Variants in PARD3 observed in about 807,000 individuals in gnomAD.
The protein encoded by PARD3 is par-3 family cell polarity regulator.
In PARD3, 75 loss-of-function variants were observed where a neutral mutation model predicts 155.4. That is an observed-to-expected ratio of 0.48 (90% CI 0.40 to 0.58). PARD3 has a LOEUF of 0.58. Ranked by LOEUF, PARD3 falls within the 20% of genes least tolerant of loss-of-function variation. The probability of loss-of-function intolerance (pLI) is 0.00; values close to 1 mark genes in which losing one functional copy is unlikely to be tolerated. For synonymous variants in PARD3, 576 were observed against 610.5 expected, an observed-to-expected ratio of 0.94 and a Z score of 0.83; for missense variants, 1,642 against 1,721.7, an observed-to-expected ratio of 0.95 and a Z score of 0.82.
At chr10:34,725,797 C>A (rs1477719267) in intron 1 of PARD3, among the ~76,000 whole-genome samples, 1 of 152,216 alleles carries the variant, frequency 6.6e-6, no homozygotes, top group Admixed American at 6.5e-5. Context: ...AACACCAGGA[C>A]TGCAACTGAA....
intron 22 of PARD3, among the ~76,000 whole-genome samples, chr10:34,211,024 T>C (rs1289273560): frequency 2.6e-5 from 4 of 152,170 alleles, no homozygotes; most frequent in African/African-American, 9.7e-5. Context: ...GGTCTTTGCA[T>C]GTGTTATCTC....
At chr10:34,629,460 CACACACAT>C (rs927420978) in intron 2 of PARD3, among the ~76,000 whole-genome samples, 8 of 152,326 alleles carry the variant, frequency 5.3e-5, no homozygotes, top group Non-Finnish European at 7.3e-5. Context: ...TGTGCACACA[CACACACAT>C]ACACACGTTA....
intron 20 of PARD3, among the ~76,000 whole-genome samples, chr10:34,302,642 T>C (rs2134030406): frequency 6.6e-6 from 1 of 152,328 alleles, no homozygotes; most frequent in South Asian, 2.1e-4. Context: ...TAGCTATCTG[T>C]GCCCATACCT....
chr10:34,388,196 A>G (rs1764352949), intron 7 of PARD3, among the ~76,000 whole-genome samples: 1 of 152,226 alleles, frequency 6.6e-6, no homozygotes, highest in African/African-American at 2.4e-5. Flanking sequence ...AGGTGAAGTT[A>G]GTAGCCTGCT....
chr10:34,809,194 T>C (rs766176871), intron 1 of PARD3, among the ~76,000 whole-genome samples: 5 of 152,196 alleles, frequency 3.3e-5, no homozygotes, highest in African/African-American at 7.2e-5. Flanking sequence ...GTGCTGATGA[T>C]AGTCCTCTCA....
intron 2 of PARD3, among the ~76,000 whole-genome samples, chr10:34,635,767 G>A (rs1292457530): frequency 3.9e-5 from 6 of 152,204 alleles, no homozygotes; most frequent in Non-Finnish European, 7.3e-5. Context: ...CCAGAACTGA[G>A]CTGGACTTCT....
At chr10:34,263,620 C>CA (rs1182056878) in intron 22 of PARD3, among the ~76,000 whole-genome samples, 1 of 152,090 alleles carries the variant, frequency 6.6e-6, no homozygotes, top group Non-Finnish European at 1.5e-5. Flanking sequence ...AATCATACAC[C>CA]AGCCTAGGTG....
intron 21 of PARD3, among the ~76,000 whole-genome samples, chr10:34,282,617 T>G (rs1477695722): frequency 6.6e-6 from 1 of 152,162 alleles, no homozygotes; most frequent in African/African-American, 2.4e-5. Context: ...TGAAGCTATC[T>G]ATCCCCTGTG....
rs558311828 is a variant in PARD3, at chr10:34,150,342, G to T, written c.3420-18759C>A. Among the ~76,000 whole-genome samples the T allele has an allele frequency of 3.9e-5, 6 of 152,286 alleles. No homozygotes were observed. The South Asian group carries it at 1.2e-3, about 32-fold the overall frequency. On this transcript the variant is annotated intron_variant, in intron 22 of 24. Transcript: ENST00000374788. ...TGAAGATATAGCTTTGGCAGTCATC[G>T]ACATATACACAAGTGTAATGTAAGT...
chr10:34,553,134 T>A (rs1187523763), intron 2 of PARD3, among the ~76,000 whole-genome samples: 2 of 152,132 alleles, frequency 1.3e-5, no homozygotes, highest in African/African-American at 4.8e-5. Context: ...TCGCCATCGA[T>A]CCACCAAGCC....
At chr10:34,507,006 G>A (rs2081110723) in intron 3 of PARD3, among the ~76,000 whole-genome samples, 2 of 152,130 alleles carry the variant, frequency 1.3e-5, no homozygotes, top group African/African-American at 4.8e-5. Flanking sequence ...TGCGCCTCCA[G>A]TTTATCTTTC....
At chr10:34,529,226 C>T (rs75638155) in intron 2 of PARD3, among the ~76,000 whole-genome samples, 1,956 of 152,238 alleles carry the variant, frequency 0.013, 48 homozygotes, top group African/African-American at 0.044. Flanking sequence ...AATCTGAATG[C>T]GGATCACCCA....
At chr10:34,312,267 TA>T in intron 20 of PARD3, 2 of 1,603,924 alleles carry the variant, frequency 1.2e-6, no homozygotes, top group Non-Finnish European at 8.5e-7. Flanking sequence ...AAGAATTCAT[TA>T]AAAGTAAATT....
chr10:34,124,469 G>C (rs1247196238), intron 23 of PARD3, among the ~76,000 whole-genome samples: 1 of 152,128 alleles, frequency 6.6e-6, no homozygotes, highest in East Asian at 1.9e-4. Context: ...TTGAAAAGTG[G>C]CCAGTGCTAA....
At chr10:34,147,661 A>G (rs905772578) in intron 22 of PARD3, among the ~76,000 whole-genome samples, 25 of 152,010 alleles carry the variant, frequency 1.6e-4, no homozygotes, top group Admixed American at 3.3e-4. Flanking sequence ...TTTGTTTTGG[A>G]AAAAAATCCC....
At chr10:34,342,225 G>A (rs751478954) in intron 15 of PARD3, among the ~76,000 whole-genome samples, 11 of 152,242 alleles carry the variant, frequency 7.2e-5, no homozygotes, top group African/African-American at 2.4e-5. Flanking sequence ...AGCAACTGCT[G>A]CAGAGCAGGT....
chr10:34,307,058 T>G (rs889969020), intron 20 of PARD3, among the ~76,000 whole-genome samples: 15 of 152,056 alleles, frequency 9.9e-5, no homozygotes, highest in African/African-American at 3.6e-4. Flanking sequence ...GGCTAATTTT[T>G]TTTTTGTATC....
intron 2 of PARD3, among the ~76,000 whole-genome samples, chr10:34,672,912 G>A (rs2093634958): frequency 6.6e-6 from 1 of 152,172 alleles, no homozygotes; most frequent in African/African-American, 2.4e-5. Context: ...TAAAGACCTT[G>A]TCTTGCTTGA....
chr10:34,259,967 C>T (rs1954870680), intron 22 of PARD3, among the ~76,000 whole-genome samples: 1 of 152,130 alleles, frequency 6.6e-6, no homozygotes, highest in African/African-American at 2.4e-5. Context: ...CTCAGCCTCC[C>T]AAGTAGCTGT....
Sources: allele counts gnomAD v4.1 joint callset (sites outside exome capture counted in the v4.1 genomes callset), GRCh38; gene constraint gnomAD v4.1.1; transcripts MANE v1.5; gene names NCBI Gene and HGNC (gene_info 2026-07-23, HGNC 2026-07-21).